Variants in UBTD2 observed in about 807,000 individuals in gnomAD.
UBTD2 encodes ubiquitin domain-containing protein 2.
Under a neutral mutation model 19.8 loss-of-function variants are expected in UBTD2, and 9 were observed. That is an observed-to-expected ratio of 0.46 (90% CI 0.27 to 0.79). UBTD2 has a LOEUF of 0.79. UBTD2 is among the 30% of genes least tolerant of loss of function. UBTD2 has a pLI of 0.14. For synonymous variants in UBTD2, 98 were observed against 103.9 expected (o/e 0.94, Z 0.35); for missense variants, 250 against 300.4 (o/e 0.83, Z 1.24).
intron 1 of UBTD2, among the ~76,000 whole-genome samples, chr5:172,260,494 G>A (rs1042582710): frequency 1.4e-5 from 2 of 139,454 alleles, no homozygotes; most frequent in African/African-American, 2.7e-5. Context: ...TTTCACTTAC[G>A]TGCTTGCCTT....
chr5:172,250,873 G>A (rs1754989704), intron 1 of UBTD2, among the ~76,000 whole-genome samples: 1 of 136,914 alleles, frequency 7.3e-6, no homozygotes, highest in Admixed American at 8.1e-5. Flanking sequence ...GGTCGAGGCT[G>A]CAGTGAGCTG....
chr5:172,239,055 A>G (rs1305517438), intron 1 of UBTD2, among the ~76,000 whole-genome samples: 8 of 151,764 alleles, frequency 5.3e-5, no homozygotes, highest in African/African-American at 1.9e-4. Flanking sequence ...TGCATAATAC[A>G]TATATTCCCT....
intron 1 of UBTD2, among the ~76,000 whole-genome samples, chr5:172,269,739 TA>T (rs376285062): frequency 4.9e-3 from 557 of 114,232 alleles, no homozygotes; most frequent in South Asian, 5.8e-3. Flanking sequence ...CATGTGCATG[TA>T]AAAAAAAAAA....
chr5:172,273,590 CAAAAAAAAA>C (rs35687001), intron 1 of UBTD2, among the ~76,000 whole-genome samples: 2 of 36,400 alleles, frequency 5.5e-5, no homozygotes, highest in Non-Finnish European at 1.0e-4. Flanking sequence ...GACTCCGTCT[CAAAAAAAAA>C]AAAAAAAAAA....
intron 1 of UBTD2, among the ~76,000 whole-genome samples, chr5:172,264,478 T>C (rs994648059): frequency 2.0e-5 from 3 of 150,702 alleles, no homozygotes; most frequent in South Asian, 2.1e-4. Flanking sequence ...GAAGCAGAGG[T>C]TGCAGTGAGC....
At chr5:172,229,781 GA>G (rs1771853413) in intron 2 of UBTD2, among the ~76,000 whole-genome samples, 1 of 152,036 alleles carries the variant, frequency 6.6e-6, no homozygotes, top group African/African-American at 2.4e-5. Context: ...GAAAAGTACT[GA>G]ATAGTATACT....
rs1037122526 is a variant in UBTD2, at chr5:172,283,321, C to T, written c.70+275G>A. Reference sequence around the variant, plus strand: ...AGAGGGAGTGAGGTGGCCAGAAGGGCAGCTTCGGGTCCGACTTCCCCGAGC... The same window carrying T: ...AGAGGGAGTGAGGTGGCCAGAAGGGTAGCTTCGGGTCCGACTTCCCCGAGC... On this transcript the variant is annotated intron_variant, in intron 1 of 2. Coordinates refer to ENST00000393792, the MANE Select transcript of UBTD2 (RefSeq NM_152277.3). This position sits in a 1 kb window ranked among gnomAD's most constrained non-coding sequence, Gnocchi z 4.3. 2.0e-5 allele frequency among the ~76,000 whole-genome samples: 3 copies of T among 152,148 alleles called. No homozygotes were observed. Among genetic ancestry groups the T allele is most frequent in the Admixed American group, 2.0e-4 (3 of 15,268 alleles).
chr5:172,275,742 G>A lies in UBTD2; in HGVS notation c.70+7854C>T, dbSNP rs1392791321. ...CTAGGAGTTCCCTATCTAAATTTCC[G>A]TACCACACTACATGGTGACTCCACT... is the stretch of plus-strand genomic sequence containing the variant. On this transcript the variant is annotated intron_variant, in intron 1 of 2. Coordinates refer to ENST00000393792, the MANE Select transcript of UBTD2 (RefSeq NM_152277.3). 7.9e-5 allele frequency among the ~76,000 whole-genome samples: 12 copies of A among 151,996 alleles called. No individual in the cohort carries two copies. The East Asian group carries it at 1.2e-3, about 15-fold the overall frequency.
chr5:172,262,446 CA>C (rs1191776236), intron 1 of UBTD2, among the ~76,000 whole-genome samples: 544 of 48,884 alleles, frequency 0.011, no homozygotes, highest in African/African-American at 0.031. Context: ...ACAGATCCAC[CA>C]AAAAAAAAAA....
At chr5:172,216,928 T>C (rs1345687079) in intron 2 of UBTD2, among the ~76,000 whole-genome samples, 1 of 151,990 alleles carries the variant, frequency 6.6e-6, no homozygotes, top group Non-Finnish European at 1.5e-5. Flanking sequence ...ATTGTGTCAC[T>C]GTACTCCAGC....
At chr5:172,261,894 G>C (rs1755276901) in intron 1 of UBTD2, among the ~76,000 whole-genome samples, 1 of 152,122 alleles carries the variant, frequency 6.6e-6, no homozygotes, top group East Asian at 1.9e-4. Flanking sequence ...AGAGTGCTGG[G>C]ATTACAAGCA....
intron 2 of UBTD2, among the ~76,000 whole-genome samples, chr5:172,229,806 A>T (rs1433852141): frequency 6.6e-6 from 1 of 152,168 alleles, no homozygotes; most frequent in Non-Finnish European, 1.5e-5. Context: ...CACTACGCAG[A>T]AACTGTGTGA....
intron 1 of UBTD2, among the ~76,000 whole-genome samples, chr5:172,241,827 T>C (rs1213795303): frequency 6.6e-6 from 1 of 152,162 alleles, no homozygotes; most frequent in East Asian, 1.9e-4. Flanking sequence ...CCAGCCAGCC[T>C]GGCCAACACG....
chr5:172,221,733 T>C lies in UBTD2; in HGVS notation c.308-9506A>G, dbSNP rs570792081. On this transcript the variant is annotated intron_variant, in intron 2 of 2. Transcript: ENST00000393792. ...ATGAATAGGTAGAACACAGAGGATTTTTTAGGATAGTGAAACTACTCTGTA... is the reference window on the plus strand; with the variant it reads ...ATGAATAGGTAGAACACAGAGGATTCTTTAGGATAGTGAAACTACTCTGTA... 2.6e-4 allele frequency among the ~76,000 whole-genome samples: 39 copies of C among 152,278 alleles called. 1 individual carries two copies. The South Asian group carries it at 6.6e-3, about 26-fold the overall frequency.
At chr5:172,229,496 G>A (rs1358563984) in intron 2 of UBTD2, among the ~76,000 whole-genome samples, 26 of 69,070 alleles carry the variant, frequency 3.8e-4, no homozygotes, top group Admixed American at 1.1e-3. Context: ...GCAAGACTCC[G>A]TCTCAAAAAA....
At chr5:172,281,807 C>A (rs1372308997) in intron 1 of UBTD2, among the ~76,000 whole-genome samples, 1 of 152,126 alleles carries the variant, frequency 6.6e-6, no homozygotes, top group East Asian at 1.9e-4. Context: ...GGGCCCATGT[C>A]CTCTCTCCAA....
At chr5:172,214,393 A>C (rs1194844162) in intron 2 of UBTD2, among the ~76,000 whole-genome samples, 20 of 152,226 alleles carry the variant, frequency 1.3e-4, no homozygotes, top group Non-Finnish European at 2.9e-4. Flanking sequence ...TGGAAAGCAG[A>C]ACACACGTGA....
At chr5:172,244,138 C>A (rs1345911915) in intron 1 of UBTD2, among the ~76,000 whole-genome samples, 3 of 152,006 alleles carry the variant, frequency 2.0e-5, no homozygotes, top group Non-Finnish European at 4.4e-5. Context: ...CAGTCAGAAT[C>A]CAACAACTGA....
intron 1 of UBTD2, among the ~76,000 whole-genome samples, chr5:172,265,704 C>T (rs75946992): frequency 0.32 from 48,955 of 151,886 alleles, 7,975 homozygotes; most frequent in South Asian, 0.42. Context: ...CTTATTTACT[C>T]GAGCAACAAC....
Sources: gnomAD v4.1 joint callset for allele counts (sites outside exome capture counted in the v4.1 genomes callset) on GRCh38, gnomAD v4.1.1 for gene constraint, Gnocchi (gnomAD v3.1) non-coding constraint, MANE v1.5 for transcripts, NCBI Gene and HGNC (gene_info 2026-07-23, HGNC 2026-07-21) for gene names.